The following MYO18B variants were observed in gnomAD, a reference collection of about 807,000 sequenced individuals.
The protein encoded by MYO18B is unconventional myosin-XVIIIb.
Under a neutral mutation model 273.0 loss-of-function variants are expected in MYO18B, and 204 were observed. That is an observed-to-expected ratio of 0.75 (90% CI 0.67 to 0.84). MYO18B has a LOEUF of 0.84. Ranked by LOEUF, MYO18B falls within the 40% of genes least tolerant of loss-of-function variation. MYO18B has a pLI of 0.00. For missense variants in MYO18B, 3,212 were observed against 3,287.6 expected (o/e 0.98, Z 0.56); for synonymous variants, 1,330 against 1,305.7 (o/e 1.02, Z -0.40).
At chr22:25,858,190 T>G (rs1317629558) in intron 21 of MYO18B, among the ~76,000 whole-genome samples, 4 of 152,248 alleles carry the variant, frequency 2.6e-5, no homozygotes, top group Non-Finnish European at 5.9e-5. Flanking sequence ...TAGAGTCAGA[T>G]AGACTTGAGT....
chr22:25,806,562 C>T (rs574552777), intron 12 of MYO18B, among the ~76,000 whole-genome samples: 3 of 152,320 alleles, frequency 2.0e-5, no homozygotes, highest in South Asian at 2.1e-4. Flanking sequence ...GCTGGCACCA[C>T]ATGGCAGGCA....
chr22:25,879,996 T>C (rs695513), intron 25 of MYO18B, among the ~76,000 whole-genome samples: 122,337 of 152,106 alleles, frequency 0.8, 49,489 homozygotes, highest in East Asian at 1. Context: ...CACCAGGCCC[T>C]TCCTCCAACA....
intron 39 of MYO18B, among the ~76,000 whole-genome samples, chr22:25,961,756 C>T (rs978692262): frequency 6.6e-6 from 1 of 152,204 alleles, no homozygotes; most frequent in Non-Finnish European, 1.5e-5. Flanking sequence ...GTTTCAGAGG[C>T]TGCACCTGTT....
At chr22:26,029,363 A>G (rs1936531559) in intron 43 of MYO18B, among the ~76,000 whole-genome samples, 1 of 152,186 alleles carries the variant, frequency 6.6e-6, no homozygotes, top group Admixed American at 6.5e-5. Flanking sequence ...TCAAAAAGCC[A>G]TTGCCCCTTC....
intron 22 of MYO18B, among the ~76,000 whole-genome samples, chr22:25,870,423 A>AT (rs1195339707): frequency 2.0e-5 from 3 of 152,224 alleles, no homozygotes; most frequent in Non-Finnish European, 4.4e-5. Context: ...AATGGTAATG[A>AT]CCTGAGTATT....
At chr22:25,836,964 A>AT (rs1279117149) in intron 17 of MYO18B, among the ~76,000 whole-genome samples, 2 of 142,158 alleles carry the variant, frequency 1.4e-5, no homozygotes, top group Non-Finnish European at 3.0e-5. Context: ...TTCCATCTCA[A>AT]AATAATAATA....
intron 39 of MYO18B, among the ~76,000 whole-genome samples, chr22:25,981,914 G>T (rs981541884): frequency 6.6e-6 from 1 of 152,170 alleles, no homozygotes; most frequent in African/African-American, 2.4e-5. Context: ...CCTGAGACTG[G>T]GTGATTTATA....
At position 25,779,645 on chromosome 22, in the gene MYO18B, T is replaced by C. The variant is rs566859358; in HGVS notation, c.2069-411T>C. ...TGCATTGTAGGTATGCAATGAATAG[T>C]AGTGGGGAGATTATAGGATTTTGCA... On this transcript the variant is annotated intron_variant, in intron 8 of 43. Coordinates refer to ENST00000335473, the MANE Select transcript of MYO18B (RefSeq NM_032608.7). Among the ~76,000 whole-genome samples the C allele has an allele frequency of 1.6e-3, 239 of 152,298 alleles. 1 individual carries two copies. The highest frequency in any genetic ancestry group is 5.6e-3 in the African/African-American group (232 of 41,566).
intron 42 of MYO18B, among the ~76,000 whole-genome samples, chr22:26,019,312 C>T (rs5761355): frequency 0.31 from 46,447 of 152,030 alleles, 7,986 homozygotes; most frequent in East Asian, 0.65. Flanking sequence ...GAGCCATGGG[C>T]CTGGGGTAGG....
At chr22:26,003,730 G>A (rs911842703) in intron 41 of MYO18B, among the ~76,000 whole-genome samples, 6 of 151,994 alleles carry the variant, frequency 3.9e-5, no homozygotes, top group South Asian at 2.1e-4. Context: ...CAGTCCCTGC[G>A]TGGCCAAACC....
chr22:25,856,914 A>T (rs751728994), intron 21 of MYO18B, among the ~76,000 whole-genome samples: 3 of 152,104 alleles, frequency 2.0e-5, no homozygotes, highest in Non-Finnish European at 4.4e-5. Context: ...CTTCAGCAAA[A>T]TTATGAAGGA....
At chr22:25,989,626 CAAAAAAAAAAAAAAA>C (rs56004208) in intron 39 of MYO18B, among the ~76,000 whole-genome samples, 1 of 88,606 alleles carries the variant, frequency 1.1e-5, no homozygotes, top group African/African-American at 5.0e-5. Flanking sequence ...ACTAAAAATA[CAAAAAAAAAAAAAAA>C]AAAAAAAAAA....
chr22:25,904,971 A>G lies in MYO18B; in HGVS notation c.5148+1140A>G, dbSNP rs563514737. 1.2e-3 allele frequency among the ~76,000 whole-genome samples: 176 copies of G among 152,112 alleles called. 1 individual carries two copies. The highest frequency in any genetic ancestry group is 3.9e-3 in the African/African-American group (162 of 41,484). On this transcript the variant is annotated intron_variant, in intron 31 of 43. Transcript: ENST00000335473. ...AAAAAAAAAAAAAATTTCTAGGGGA[A>G]GTAAGACTTCTTCTGATGCTTGGCT...
chr22:25,875,370 G>A (rs1261670763), intron 23 of MYO18B, among the ~76,000 whole-genome samples: 7 of 152,252 alleles, frequency 4.6e-5, no homozygotes, highest in African/African-American at 1.2e-4. Flanking sequence ...TGAAGACCAA[G>A]TTGAGGTGTG....
chr22:25,846,022 T>G, intron 18 of MYO18B, 78 bp from the exon 19 acceptor site: 2 of 1,300,554 alleles, frequency 1.5e-6, no homozygotes, highest in South Asian at 1.7e-5. Flanking sequence ...GAAGGCTTGT[T>G]CCCTTTGCCA....
intron 42 of MYO18B, among the ~76,000 whole-genome samples, chr22:26,019,040 T>A (rs1935597419): frequency 6.6e-6 from 1 of 152,246 alleles, no homozygotes; most frequent in Non-Finnish European, 1.5e-5. Flanking sequence ...ATTTATAGTC[T>A]GTGCTTCACA....
Position 25,891,365 on chromosome 22 carries a change from A to G in MYO18B, c.4496A>G (p.Gln1499Arg). 1 of 1,586,840 alleles carries G rather than the reference A, an allele frequency of 6.3e-7. No individual in the cohort carries two copies. The highest frequency in any genetic ancestry group is 8.6e-7 in the Non-Finnish European group (1 of 1,166,268). ...GDVNKQLEEA[Q>R]QKIQLNDLER... ...GTGAATAAACAGTTGGAAGAAGCCC[A>G]GCAGAAAATTCAGTTGAATGACTTG... Residue 1499 changes from glutamine (Q) to arginine (R), a missense_variant, in exon 27 of 44, where the codon CAG (glutamine) becomes CGG (arginine). Gln to Arg is a conservative substitution (Grantham distance 43). Transcript: ENST00000335473.
Position 25,768,902 on chromosome 22 carries a change from A to T in MYO18B, c.986A>T (p.Asp329Val). 1 of 1,612,932 alleles carries T rather than the reference A, an allele frequency of 6.2e-7. No homozygotes were observed. Among genetic ancestry groups the T allele is most frequent in the Non-Finnish European group, 8.5e-7 (1 of 1,179,482 alleles). ...TTCCTGGGAAGAAGGAGTAAGTGGG[A>T]CGGTCCCCAGAATAAGAAGGACAAA... Reference protein sequence around the residue: ...GGFLGRRSKWDGPQNKKDKEG... With the variant: ...GGFLGRRSKWVGPQNKKDKEG... Residue 329 changes from aspartate (D) to valine (V), a missense_variant, in exon 4 of 44, where the codon GAC (aspartate) becomes GTC (valine). By Grantham distance (152) the Asp-to-Val change is radical. Transcript: ENST00000335473.
intron 4 of MYO18B, 125 bp downstream of exon 4, chr22:25,769,553 G>C (rs1157997279): frequency 2.1e-5 from 19 of 897,974 alleles, no homozygotes; most frequent in Non-Finnish European, 3.1e-5. Flanking sequence ...GAATTGGAGA[G>C]GGGTGGCTGG....
Sources: allele counts gnomAD v4.1 joint callset (sites outside exome capture counted in the v4.1 genomes callset), GRCh38; gene constraint gnomAD v4.1.1; transcripts MANE v1.5; gene names NCBI Gene and HGNC (gene_info 2026-07-23, HGNC 2026-07-21).